EIF5B: variants seen among roughly 807,000 people sequenced by gnomAD.
The protein encoded by EIF5B is eukaryotic translation initiation factor 5B, also known as eIF-5B.
EIF5B carries 47 observed loss-of-function variants against 147.5 expected under a neutral mutation model. The observed-to-expected ratio is 0.32, with a 90% CI of 0.25 to 0.41. The LOEUF is 0.41. Ranked by LOEUF, EIF5B falls within the 10% of genes least tolerant of loss-of-function variation. The pLI, the probability that EIF5B is intolerant of heterozygous loss-of-function variation, is 1.00. For synonymous variants in EIF5B, 455 were observed against 456.2 expected (o/e 1.00, Z 0.03); for missense variants, 1,064 against 1,413.2 (o/e 0.75, Z 3.96).
intron 12 of EIF5B, among the ~76,000 whole-genome samples, chr2:99,379,652 CCA>C (rs1559255874): frequency 1.3e-5 from 2 of 152,142 alleles, no homozygotes; most frequent in African/African-American, 4.8e-5. Flanking sequence ...CCTCCCTCTC[CCA>C]GAGGCAGCCA....
At chr2:99,375,478 A>G (rs7607487) in intron 9 of EIF5B, among the ~76,000 whole-genome samples, 1,935 of 152,308 alleles carry the variant, frequency 0.013, 35 homozygotes, top group African/African-American at 0.043. Context: ...TGTACCCCAC[A>G]GTAAGGGTGT....
intron 9 of EIF5B, 36 bp from the exon 10 acceptor site, chr2:99,376,311 A>ATTT: frequency 8.0e-7 from 1 of 1,243,182 alleles, no homozygotes; most frequent in Non-Finnish European, 1.1e-6. Context: ...TATCATATTA[A>ATTT]TGTTTATTTA....
chr2:99,376,414 GGAAGAAGAAGAT>G lies in EIF5B; in HGVS notation c.1627_1638del (p.Glu543_Glu546del). 6.4e-7 allele frequency: 1 copy of G among 1,565,216 alleles called. No homozygotes were observed. The highest frequency in any genetic ancestry group is 1.1e-5 in the South Asian group (1 of 88,492). On this transcript the variant is annotated inframe_deletion, in exon 10 of 24. Coordinates refer to ENST00000289371, the MANE Select transcript of EIF5B (RefSeq NM_015904.4). ...AAGAGGAGGAGGAGGAGGAAGAAGAGGAAGAAGAAGATGAAGAAAGTGAAGAAGAGGAGGAAG... is the reference window on the plus strand; with the variant it reads ...AAGAGGAGGAGGAGGAGGAAGAAGAGGAAGAAAGTGAAGAAGAGGAGGAAG...
chr2:99,369,459 GAC>G lies in EIF5B; in HGVS notation c.1458_1459del (p.Pro487ThrfsTer4). The G allele has an allele frequency of 6.2e-7, 1 of 1,610,190 alleles. No individual in the cohort carries two copies. The highest frequency in any genetic ancestry group is 8.5e-7 in the Non-Finnish European group (1 of 1,177,350). On this transcript the variant is annotated frameshift_variant, in exon 8 of 24. Coordinates refer to ENST00000289371, the MANE Select transcript of EIF5B (RefSeq NM_015904.4). LOFTEE classifies it high-confidence loss of function. ...AACAAGGAGTACCAGAAAAGGAAGA[GAC>G]ACCACCTCCTGTTGAACCAGGCGGG... ...MEQGVPEKEE[T>X]PPPVEPEEEE...
chr2:99,383,863 A>G (rs1674742230), intron 14 of EIF5B, among the ~76,000 whole-genome samples: 1 of 151,690 alleles, frequency 6.6e-6, no homozygotes, highest in Non-Finnish European at 1.5e-5. Flanking sequence ...GGTCAGGCTG[A>G]CTCTCTAGTT....
intron 13 of EIF5B, 107 bp downstream of exon 13, chr2:99,382,333 C>T (rs1244021786): frequency 2.4e-6 from 2 of 836,890 alleles, no homozygotes; most frequent in Non-Finnish European, 3.9e-6. Flanking sequence ...ATCTCTATAA[C>T]TACCACTCCA....
At chr2:99,348,891 G>A (rs1044460962) in intron 1 of EIF5B, among the ~76,000 whole-genome samples, 7 of 152,104 alleles carry the variant, frequency 4.6e-5, no homozygotes, top group African/African-American at 1.2e-4. Context: ...GGGGTGCTTC[G>A]GTTATTATTG....
rs1400515771 is a variant in EIF5B at position 99,345,604 on chromosome 2, A to AG, written c.35+8015_35+8016insG. Among the ~76,000 whole-genome samples the AG allele has an allele frequency of 3.0e-5, 4 of 133,856 alleles. No individual in the cohort carries two copies. The Admixed American group carries it at 3.3e-4, about 11-fold the overall frequency. The allele number at this position is 133,856 out of a possible 152,430, so 87.8% of individuals were successfully genotyped here. ...GTGAGACTGTCTCAAAAAAAAAAAAAAAAAAAAGGAATGTCTAACATGCCT... is the reference window on the plus strand; with the variant it reads ...GTGAGACTGTCTCAAAAAAAAAAAAAGAAAAAAAGGAATGTCTAACATGCCT... On this transcript the variant is annotated intron_variant, in intron 1 of 23. Transcript: ENST00000289371.
chr2:99,351,650 T>C (rs1371371841), intron 1 of EIF5B, among the ~76,000 whole-genome samples: 1 of 152,196 alleles, frequency 6.6e-6, no homozygotes, highest in Non-Finnish European at 1.5e-5. Flanking sequence ...TCTTCAATTT[T>C]AGGATTTCTA....
intron 1 of EIF5B, among the ~76,000 whole-genome samples, chr2:99,341,134 A>G (rs1229116441): frequency 1.3e-5 from 2 of 152,200 alleles, no homozygotes; most frequent in Admixed American, 6.5e-5. Context: ...GACCTTTTTC[A>G]GTTGACTCGG....
chr2:99,343,560 G>A (rs1486505445), intron 1 of EIF5B, among the ~76,000 whole-genome samples: 1 of 151,966 alleles, frequency 6.6e-6, no homozygotes, highest in Non-Finnish European at 1.5e-5. Context: ...GCTCATGCCT[G>A]TAATCCCAGC....
At position 99,375,469 on chromosome 2, in the gene EIF5B, G is replaced by A. The variant is rs573481250; in HGVS notation, c.1553-878G>A. Among the ~76,000 whole-genome samples, 81 of 152,242 alleles carry A rather than the reference G, an allele frequency of 5.3e-4. 1 individual carries two copies. The South Asian group carries it at 0.017, about 32-fold the overall frequency. On this transcript the variant is annotated intron_variant, in intron 9 of 23. Coordinates refer to ENST00000289371, the MANE Select transcript of EIF5B (RefSeq NM_015904.4). ...TCCTAGGGTACAGCTCTTCATGATTGTACCCCACAGTAAGGGTGTAACCCA... is the reference window on the plus strand; with the variant it reads ...TCCTAGGGTACAGCTCTTCATGATTATACCCCACAGTAAGGGTGTAACCCA...
At chr2:99,366,144 G>T (rs867924695) in intron 6 of EIF5B, among the ~76,000 whole-genome samples, 1 of 152,044 alleles carries the variant, frequency 6.6e-6, no homozygotes, top group Non-Finnish European at 1.5e-5. Flanking sequence ...ACTCATTTCA[G>T]GCAAAGAGCT....
chr2:99,363,823 A>G lies in EIF5B; in HGVS notation c.1098A>G (p.Ile366Met). The G allele has an allele frequency of 6.2e-7, 1 of 1,611,808 alleles. No homozygotes were observed. Among genetic ancestry groups the G allele is most frequent in the Non-Finnish European group, 8.5e-7 (1 of 1,179,488 alleles). Residue 366 changes from isoleucine to methionine, a missense_variant, in exon 5 of 24, where the codon ATA (isoleucine) becomes ATG (methionine). Ile to Met is a conservative substitution (Grantham distance 10). Around this residue, in one of 4 missense-constraint regions of EIF5B, gnomAD observed 458 missense variants for 451.3 expected, o/e 1.01. Coordinates refer to ENST00000289371, the MANE Select transcript of EIF5B (RefSeq NM_015904.4). ...AGAAGAGAGAAGAGGAAGAACGTAT[A>G]AAACGGCTTGAAGAATTAGAAGCCA... ...ERQKREEEER[I>M]KRLEELEAKR...
intron 1 of EIF5B, among the ~76,000 whole-genome samples, chr2:99,350,531 T>C (rs1225324427): frequency 2.0e-5 from 3 of 152,240 alleles, no homozygotes; most frequent in African/African-American, 4.8e-5. Flanking sequence ...TTTTTTCATA[T>C]ACCTGGTGCC....
At chr2:99,338,937 T>TATATATATAC (rs1491555384) in intron 1 of EIF5B, among the ~76,000 whole-genome samples, 3 of 134,690 alleles carry the variant, frequency 2.2e-5, no homozygotes, top group Non-Finnish European at 3.2e-5. Context: ...TATATATATA[T>TATATATATAC]ACAAATATAT....
At chr2:99,373,777 T>G (rs578142618) in intron 9 of EIF5B, among the ~76,000 whole-genome samples, 1 of 152,358 alleles carries the variant, frequency 6.6e-6, no homozygotes, top group African/African-American at 2.4e-5. Context: ...CTGGTTCTTT[T>G]TCTCTCCTTT....
Position 99,356,519 on chromosome 2 carries a change from G to T in EIF5B, c.36-3717G>T, listed in dbSNP as rs542569106. 2.3e-3 allele frequency among the ~76,000 whole-genome samples: 346 copies of T among 152,182 alleles called. 4 individuals are homozygous for T. The highest frequency in any genetic ancestry group is 8.1e-3 in the African/African-American group (337 of 41,500). The stretch of plus-strand genomic sequence containing the variant: ...ATAATTTAATATTGTTACTTAATTT[G>T]TTCTTCTAATTAATTAACATATTAA... On this transcript the variant is annotated intron_variant, in intron 1 of 23. Coordinates refer to ENST00000289371, the MANE Select transcript of EIF5B (RefSeq NM_015904.4).
intron 14 of EIF5B, among the ~76,000 whole-genome samples, chr2:99,386,722 G>A: frequency 6.8e-6 from 1 of 146,146 alleles, no homozygotes; most frequent in Admixed American, 6.8e-5. Flanking sequence ...GGGCGGGGGG[G>A]CGGTGTGTGT....
Sources: gnomAD v4.1 joint callset for allele counts (sites outside exome capture counted in the v4.1 genomes callset) on GRCh38, gnomAD v4.1.1 for gene constraint, gnomAD v4.1.1 regional missense constraint, MANE v1.5 for transcripts, NCBI Gene and HGNC (gene_info 2026-07-23, HGNC 2026-07-21) for gene names.